The following DGKI variants were observed in gnomAD, a reference collection of about 807,000 sequenced individuals.
DGKI encodes the protein DAG kinase iota.
In DGKI, 55 loss-of-function variants were observed where a neutral mutation model predicts 147.5. That is an observed-to-expected ratio of 0.37 (90% CI 0.30 to 0.47). The LOEUF (loss-of-function observed/expected upper bound fraction) is 0.47, where lower values mean the gene tolerates loss of function less well. DGKI is among the 20% of genes least tolerant of loss of function. DGKI has a pLI of 1.00. For synonymous variants in DGKI, 469 were observed against 477.1 expected (o/e 0.98, Z 0.22); for missense variants, 1,007 against 1,323.8 (o/e 0.76, Z 3.71).
chr7:137,421,732 G>A (rs1812579068), intron 28 of DGKI, among the ~76,000 whole-genome samples: 1 of 152,164 alleles, frequency 6.6e-6, no homozygotes, highest in Admixed American at 6.5e-5. Flanking sequence ...ATAAGCATGA[G>A]GACACTTTTT....
intron 27 of DGKI, among the ~76,000 whole-genome samples, chr7:137,448,538 G>T (rs1166074879): frequency 2.2e-5 from 3 of 136,948 alleles, no homozygotes; most frequent in Non-Finnish European, 4.7e-5. Context: ...GAGGGAGGGA[G>T]GGAAGGGGAA....
chr7:137,472,057 TATAC>T (rs1215901113), intron 23 of DGKI, among the ~76,000 whole-genome samples: 12 of 130,554 alleles, frequency 9.2e-5, no homozygotes, highest in African/African-American at 1.2e-4. Context: ...ATATATGTTA[TATAC>T]ATACATATAT....
intron 1 of DGKI, among the ~76,000 whole-genome samples, chr7:137,767,171 G>A (rs1796038328): frequency 6.6e-6 from 1 of 152,196 alleles, no homozygotes; most frequent in African/African-American, 2.4e-5. Flanking sequence ...TATGTGACCT[G>A]ATGGCTGCAG....
chr7:137,528,566 C>T (rs1308379263), intron 20 of DGKI, among the ~76,000 whole-genome samples: 1 of 152,124 alleles, frequency 6.6e-6, no homozygotes, highest in East Asian at 1.9e-4. Context: ...CTAAGACATC[C>T]ATTTGTGAGG....
intron 1 of DGKI, among the ~76,000 whole-genome samples, chr7:137,790,231 A>AATAC (rs1796808920): frequency 7.0e-6 from 1 of 143,712 alleles, no homozygotes; most frequent in African/African-American, 2.6e-5. Context: ...GTGTATTACC[A>AATAC]ACACACACAC....
chr7:137,765,371 A>T (rs983316647), intron 1 of DGKI, among the ~76,000 whole-genome samples: 1 of 152,190 alleles, frequency 6.6e-6, no homozygotes, highest in Non-Finnish European at 1.5e-5. Context: ...CCAGCATTCC[A>T]GCATATCTAT....
chr7:137,541,489 A>G (rs190910372), intron 20 of DGKI, among the ~76,000 whole-genome samples: 1 of 152,322 alleles, frequency 6.6e-6, no homozygotes, highest in African/African-American at 2.4e-5. Context: ...TTTAAAATAC[A>G]TGAAAGTATG....
chr7:137,426,594 C>A (rs1158386570), intron 28 of DGKI, among the ~76,000 whole-genome samples: 1 of 152,154 alleles, frequency 6.6e-6, no homozygotes, highest in Non-Finnish European at 1.5e-5. Flanking sequence ...AATTAAAAGA[C>A]ACAGACTGGC....
Position 137,543,545 on chromosome 7 carries a change from GA to G in DGKI, c.2147+8823del, listed in dbSNP as rs201169085. On this transcript the variant is annotated intron_variant, in intron 20 of 32. Coordinates refer to ENST00000614521, the MANE Select transcript of DGKI (RefSeq NM_001321708.2). Reference sequence around the variant, plus strand: ...GAAAAAGTCTTCTGAAAGCTAGAGAGAAAAAAAAAGATCACTTCAAGCTTCT... The same window carrying G: ...GAAAAAGTCTTCTGAAAGCTAGAGAGAAAAAAAAGATCACTTCAAGCTTCT... 5.9e-3 allele frequency among the ~76,000 whole-genome samples: 885 copies of G among 150,588 alleles called. 7 individuals carry two copies. The highest frequency in any genetic ancestry group is 0.021 in the African/African-American group (864 of 41,138).
chr7:137,488,207 C>T (rs1815637054), intron 21 of DGKI, among the ~76,000 whole-genome samples: 1 of 152,190 alleles, frequency 6.6e-6, no homozygotes, highest in South Asian at 2.1e-4. Context: ...GAGACTTGAG[C>T]TACTCAAGGC....
At chr7:137,636,742 G>A (rs1260163389) in intron 6 of DGKI, among the ~76,000 whole-genome samples, 1 of 152,232 alleles carries the variant, frequency 6.6e-6, no homozygotes, top group Non-Finnish European at 1.5e-5. Context: ...TTTGGGTGAT[G>A]GAGGCAGATC....
chr7:137,492,715 G>A (rs1815813278), intron 21 of DGKI, among the ~76,000 whole-genome samples: 1 of 152,132 alleles, frequency 6.6e-6, no homozygotes, highest in Non-Finnish European at 1.5e-5. Flanking sequence ...CCATCCCCAA[G>A]GCGTCCCATG....
intron 5 of DGKI, among the ~76,000 whole-genome samples, chr7:137,653,558 G>C (rs755526325): frequency 1.4e-4 from 21 of 151,966 alleles, no homozygotes; most frequent in African/African-American, 4.8e-4. Flanking sequence ...CTTTCTATCC[G>C]GAAGGCTCTT....
At chr7:137,535,299 C>T (rs834071) in intron 20 of DGKI, among the ~76,000 whole-genome samples, 6,636 of 152,070 alleles carry the variant, frequency 0.044, 366 homozygotes, top group East Asian at 0.11. Context: ...GGAATCTCTG[C>T]CAATTTGATA....
intron 1 of DGKI, among the ~76,000 whole-genome samples, chr7:137,751,160 T>A (rs182829656): frequency 6.6e-6 from 1 of 152,364 alleles, no homozygotes; most frequent in East Asian, 1.9e-4. Flanking sequence ...TCAGTAAACA[T>A]CTGGAAGATA....
intron 26 of DGKI, among the ~76,000 whole-genome samples, chr7:137,465,008 C>G (rs1189762369): frequency 2.0e-5 from 3 of 152,130 alleles, no homozygotes; most frequent in Admixed American, 2.0e-4. Context: ...ACCTGGCACA[C>G]AAAATTCTCT....
intron 8 of DGKI, among the ~76,000 whole-genome samples, chr7:137,611,412 A>G (rs1820360384): frequency 6.6e-6 from 1 of 152,136 alleles, no homozygotes; most frequent in Non-Finnish European, 1.5e-5. Flanking sequence ...GATACTTTTT[A>G]AAAGTTTACC....
At chr7:137,829,981 G>A (rs559736967) in intron 1 of DGKI, among the ~76,000 whole-genome samples, 1 of 152,146 alleles carries the variant, frequency 6.6e-6, no homozygotes, top group Non-Finnish European at 1.5e-5. Flanking sequence ...TAGGAAAAAT[G>A]AGAGAGAGAG....
chr7:137,701,806 G>C (rs1823993318), intron 1 of DGKI, among the ~76,000 whole-genome samples: 1 of 151,812 alleles, frequency 6.6e-6, no homozygotes, highest in Admixed American at 6.6e-5. Flanking sequence ...TCCAAATCCA[G>C]GTGATTTAAA....
Sources: allele counts gnomAD v4.1 joint callset (sites outside exome capture counted in the v4.1 genomes callset), GRCh38; gene constraint gnomAD v4.1.1; transcripts MANE v1.5; gene names NCBI Gene and HGNC (gene_info 2026-07-23, HGNC 2026-07-21).